HDAC9: variants seen among roughly 807,000 people sequenced by gnomAD.
The protein encoded by HDAC9 is MEF-2 interacting transcription repressor (MITR) protein.
In HDAC9, 41 loss-of-function variants were observed where a neutral mutation model predicts 139.4. The ratio of observed to expected loss-of-function variants is 0.29; its 90% CI spans 0.23 to 0.38. The LOEUF is 0.38. Among genes scored for constraint, HDAC9 ranks in the 10% least tolerant of loss-of-function variants. The probability of loss-of-function intolerance (pLI) is 1.00; values close to 1 mark genes in which losing one functional copy is unlikely to be tolerated. For missense variants in HDAC9, 1,147 were observed against 1,297.0 expected (o/e 0.88, Z 1.78); for synonymous variants, 517 against 476.2 (o/e 1.09, Z -1.12).
chr7:18,112,480 A>G (rs1279705109), intron 1 of HDAC9, among the ~76,000 whole-genome samples: 4 of 152,166 alleles, frequency 2.6e-5, no homozygotes, highest in African/African-American at 4.8e-5. Flanking sequence ...AGTTGCTCTC[A>G]ATATTGATGA....
chr7:18,289,375 C>A (rs647270), upstream of HDAC9, among the ~76,000 whole-genome samples: 59,291 of 152,054 alleles, frequency 0.39, 13,813 homozygotes, highest in African/African-American at 0.66. Flanking sequence ...AGTATCACTG[C>A]ATTGGGGGTA....
At chr7:18,592,795 AT>A (rs2128833547) in intron 5 of HDAC9, among the ~76,000 whole-genome samples, 1 of 152,274 alleles carries the variant, frequency 6.6e-6, no homozygotes, top group East Asian at 1.9e-4. Context: ...TATTCAATCA[AT>A]ATCACGAATG....
chr7:18,787,604 A>G (rs1791928968), intron 16 of HDAC9, among the ~76,000 whole-genome samples: 1 of 152,204 alleles, frequency 6.6e-6, no homozygotes, highest in Admixed American at 6.5e-5. Flanking sequence ...AAGATTCCAG[A>G]GGAATCTGAA....
chr7:18,476,872 C>A (rs1162114412), intron 1 of HDAC9, among the ~76,000 whole-genome samples: 1 of 152,182 alleles, frequency 6.6e-6, no homozygotes, highest in East Asian at 1.9e-4. Flanking sequence ...GTTAGCTAAA[C>A]CCTTTCTATT....
chr7:18,392,438 T>TAGATAGATAGAC (rs1562946466), intron 1 of HDAC9, among the ~76,000 whole-genome samples: 1 of 146,108 alleles, frequency 6.8e-6, no homozygotes, highest in African/African-American at 2.5e-5. Flanking sequence ...GATAGATAGA[T>TAGATAGATAGAC]AGACAGATAT....
At chr7:18,706,586 TCA>T (rs1783938980) in intron 12 of HDAC9, among the ~76,000 whole-genome samples, 2 of 152,326 alleles carry the variant, frequency 1.3e-5, no homozygotes, top group East Asian at 3.9e-4. Context: ...TTGGCAAAGC[TCA>T]CAGTTGAGCG....
chr7:18,377,401 T>C (rs1336107697), intron 1 of HDAC9, among the ~76,000 whole-genome samples: 1 of 152,178 alleles, frequency 6.6e-6, no homozygotes, highest in Non-Finnish European at 1.5e-5. Flanking sequence ...GAGCATAAGT[T>C]TTATGTACAA....
chr7:18,241,755 G>A (rs752097212), intron 2 of HDAC9, among the ~76,000 whole-genome samples: 3 of 152,134 alleles, frequency 2.0e-5, no homozygotes, highest in Admixed American at 1.3e-4. Context: ...TATACATATG[G>A]TGGGATGACG....
chr7:18,547,451 A>G (rs546108565), intron 2 of HDAC9, among the ~76,000 whole-genome samples: 150 of 152,218 alleles, frequency 9.9e-4, no homozygotes, highest in Middle Eastern at 3.4e-3. Flanking sequence ...TAGCCAGGAC[A>G]GTCTTGATCT....
At chr7:18,592,178 G>A (rs1210073351) in intron 5 of HDAC9, among the ~76,000 whole-genome samples, 3 of 152,012 alleles carry the variant, frequency 2.0e-5, no homozygotes, top group Middle Eastern at 3.2e-3. Context: ...GGAGGGTAGG[G>A]AAGGGAAGTT....
intron 21 of HDAC9, among the ~76,000 whole-genome samples, chr7:18,847,379 T>C (rs1178244708): frequency 3.3e-5 from 5 of 152,192 alleles, no homozygotes; most frequent in Non-Finnish European, 7.3e-5. Flanking sequence ...GAGAGAACGT[T>C]TATTTTTAAG....
At chr7:18,667,567 A>G in intron 12 of HDAC9, 2 of 985,304 alleles carry the variant, frequency 2.0e-6, no homozygotes, top group African/African-American at 3.5e-5. Context: ...GCAACAGAAG[A>G]CACTGTTTAT....
intron 12 of HDAC9, among the ~76,000 whole-genome samples, chr7:18,705,654 C>T (rs921511632): frequency 2.0e-5 from 3 of 151,814 alleles, no homozygotes; most frequent in African/African-American, 7.3e-5. Flanking sequence ...GGTTCAAGAG[C>T]AGCCTGGCCA....
chr7:18,402,796 C>A (rs1439721033), intron 1 of HDAC9, among the ~76,000 whole-genome samples: 1 of 152,100 alleles, frequency 6.6e-6, no homozygotes, highest in Non-Finnish European at 1.5e-5. Context: ...TCTTTACTGG[C>A]TAGGCACCTC....
chr7:18,938,172 C>A (rs1017484947), intron 23 of HDAC9, among the ~76,000 whole-genome samples: 2 of 133,522 alleles, frequency 1.5e-5, no homozygotes, highest in African/African-American at 5.6e-5. Flanking sequence ...AAATTGATGG[C>A]ATGAGCCGAG....
At chr7:18,513,783 G>A (rs770088884) in intron 2 of HDAC9, among the ~76,000 whole-genome samples, 2 of 152,078 alleles carry the variant, frequency 1.3e-5, no homozygotes, top group Non-Finnish European at 2.9e-5. Context: ...AAATGTTAGG[G>A]ATTTGACTTT....
chr7:18,780,174 C>G (rs1791125703), intron 16 of HDAC9, among the ~76,000 whole-genome samples: 1 of 152,004 alleles, frequency 6.6e-6, no homozygotes, highest in South Asian at 2.1e-4. Flanking sequence ...CATGGACTCA[C>G]AAATCATTGA....
At chr7:18,956,120 G>T (rs777991691) in intron 24 of HDAC9, among the ~76,000 whole-genome samples, 1 of 152,030 alleles carries the variant, frequency 6.6e-6, no homozygotes, top group Non-Finnish European at 1.5e-5. Context: ...AAAACTTGCT[G>T]TAGGAGTATC....
chr7:18,885,030 T>A (rs190869407), intron 22 of HDAC9, among the ~76,000 whole-genome samples: 2 of 152,366 alleles, frequency 1.3e-5, no homozygotes, highest in African/African-American at 4.8e-5. Context: ...GCAGTAGATA[T>A]GTAAAATACC....
Sources: gnomAD v4.1 joint callset for allele counts (sites outside exome capture counted in the v4.1 genomes callset) on GRCh38, gnomAD v4.1.1 for gene constraint, MANE v1.5 for transcripts, NCBI Gene and HGNC (gene_info 2026-07-23, HGNC 2026-07-21) for gene names.